CCDC171: variants seen among roughly 807,000 people sequenced by gnomAD.
CCDC171 encodes coiled-coil domain containing 171.
A neutral mutation model predicts 168.2 loss-of-function variants in CCDC171; 177 were observed. That is an observed-to-expected ratio of 1.05 (90% CI 0.93 to 1.19). CCDC171 has a LOEUF of 1.19. Ranked by LOEUF, CCDC171 falls within the 50% of genes most tolerant of loss-of-function variation. CCDC171 has a pLI of 0.00. For missense variants in CCDC171, 1,991 were observed against 1,539.0 expected (o/e 1.29, Z -4.91); for synonymous variants, 687 against 540.8 (o/e 1.27, Z -3.75).
At chr9:15,846,017 G>C (rs909131496) in intron 21 of CCDC171, among the ~76,000 whole-genome samples, 1 of 152,030 alleles carries the variant, frequency 6.6e-6, no homozygotes, top group Non-Finnish European at 1.5e-5. Flanking sequence ...CTGTGACTAA[G>C]AAAATATTTA....
chr9:15,610,483 T>TAAAAAAAAAAA (rs1351393897), intron 6 of CCDC171, among the ~76,000 whole-genome samples: 1 of 43,084 alleles, frequency 2.3e-5, no homozygotes, highest in Non-Finnish European at 4.5e-5. Flanking sequence ...AAAAAAAAAC[T>TAAAAAAAAAAA]GGGCGTGGTG....
intron 7 of CCDC171, among the ~76,000 whole-genome samples, chr9:15,630,411 G>A (rs2045578124): frequency 6.6e-6 from 1 of 152,040 alleles, no homozygotes; most frequent in African/African-American, 2.4e-5. Context: ...AACCAACAAA[G>A]ATCAAAAGAG....
At chr9:15,704,546 T>G (rs2052056743) in intron 11 of CCDC171, among the ~76,000 whole-genome samples, 1 of 152,334 alleles carries the variant, frequency 6.6e-6, no homozygotes, top group South Asian at 2.1e-4. Flanking sequence ...GGTAGAAATT[T>G]ATAGGGACAG....
At chr9:15,995,745 A>G (rs1300663795) in intron 3 of CCDC171, among the ~76,000 whole-genome samples, 3 of 152,216 alleles carry the variant, frequency 2.0e-5, no homozygotes, top group Non-Finnish European at 2.9e-5. Context: ...TAAAAACTTA[A>G]CACTGTGTGT....
chr9:15,563,950 G>A, intron 1 of CCDC171, 28 bp from the exon 2 acceptor site: 2 of 652,594 alleles, frequency 3.1e-6, no homozygotes, highest in Non-Finnish European at 5.4e-6. Context: ...GACTCAAACT[G>A]CTATTGTATC....
In CCDC171 at chr9:15,623,361, G is replaced by A. The variant is rs747560011; in HGVS notation, c.770G>A (p.Ser257Asn). 17 of 1,612,032 alleles carry A rather than the reference G, an allele frequency of 1.1e-5. No homozygotes were observed. Among genetic ancestry groups the A allele is most frequent in the East Asian group, 2.2e-5 (1 of 44,826 alleles). Residue 257 changes from serine to asparagine, a missense_variant, in exon 7 of 26, where the codon AGT becomes AAT. Physicochemically the swap from Ser to Asn is conservative, Grantham distance 46. Transcript: ENST00000380701. ...DCSDLLRRQT[S>N]ELEFSTQREE... Reference sequence around the variant, plus strand: ...TCTGACCTTTTACGGCGACAAACAAGTGAACTTGAATTTAGCACTCAACGA... The same window carrying A: ...TCTGACCTTTTACGGCGACAAACAAATGAACTTGAATTTAGCACTCAACGA...
intron 1 of CCDC171, among the ~76,000 whole-genome samples, chr9:15,556,977 A>C (rs13301927): frequency 1.3e-5 from 2 of 152,022 alleles, no homozygotes; most frequent in African/African-American, 4.8e-5. Context: ...AGTTTTCCCA[A>C]CACCATTTAT....
At chr9:15,773,260 C>G (rs1428378295) in intron 18 of CCDC171, among the ~76,000 whole-genome samples, 6 of 152,070 alleles carry the variant, frequency 3.9e-5, no homozygotes, top group African/African-American at 1.4e-4. Flanking sequence ...CATTATTATT[C>G]ACGCATATAT....
intron 6 of CCDC171, among the ~76,000 whole-genome samples, chr9:15,603,500 C>T (rs959526642): frequency 1.3e-5 from 2 of 152,018 alleles, no homozygotes; most frequent in Non-Finnish European, 1.5e-5. Context: ...TGAGAACATG[C>T]GGTATTTCGT....
chr9:15,555,638 AG>A (rs1430974174), intron 1 of CCDC171, among the ~76,000 whole-genome samples: 1 of 152,076 alleles, frequency 6.6e-6, no homozygotes, highest in Non-Finnish European at 1.5e-5. Context: ...CTGTCACTAG[AG>A]ATGTGAGAGA....
At chr9:15,968,384 G>C (rs1405581644) in intron 25 of CCDC171, among the ~76,000 whole-genome samples, 2 of 152,062 alleles carry the variant, frequency 1.3e-5, no homozygotes, top group African/African-American at 2.4e-5. Flanking sequence ...TTATTTAACT[G>C]TCCTTTACTC....
intron 15 of CCDC171, among the ~76,000 whole-genome samples, chr9:15,729,186 A>C (rs1465429130): frequency 6.6e-6 from 1 of 152,182 alleles, no homozygotes; most frequent in Non-Finnish European, 1.5e-5. Flanking sequence ...CCAGAGTTTG[A>C]ATGTGAAACA....
chr9:16,100,798 G>A, the CCDC171 span, among the ~76,000 whole-genome samples: 8 of 152,032 alleles, frequency 5.3e-5, no homozygotes, highest in Non-Finnish European at 7.4e-5. Flanking sequence ...CCTGTCAGGC[G>A]CCCCCCACCC....
At chr9:15,946,576 G>A (rs1044014642) in intron 25 of CCDC171, among the ~76,000 whole-genome samples, 1 of 151,960 alleles carries the variant, frequency 6.6e-6, no homozygotes, top group African/African-American at 2.4e-5. Flanking sequence ...AATCAATATC[G>A]TGAAAATGGC....
intron 6 of CCDC171, among the ~76,000 whole-genome samples, chr9:15,613,565 C>G (rs1331187289): frequency 1.3e-5 from 2 of 150,472 alleles, no homozygotes; most frequent in African/African-American, 4.9e-5. Flanking sequence ...GCTCTGTCGC[C>G]AGGCTGGAGT....
intron 20 of CCDC171, among the ~76,000 whole-genome samples, chr9:15,781,580 T>G (rs1328469229): frequency 6.6e-6 from 1 of 151,836 alleles, no homozygotes; most frequent in African/African-American, 2.4e-5. Flanking sequence ...CTCAGCTAAT[T>G]TTTTGTATTT....
chr9:15,912,057 T>A (rs749417536), intron 24 of CCDC171, among the ~76,000 whole-genome samples: 16 of 152,226 alleles, frequency 1.1e-4, no homozygotes, highest in Admixed American at 3.3e-4. Flanking sequence ...ATATGAAATT[T>A]AAAGTAGTGT....
Position 16,012,654 on chromosome 9 carries a change from T to C in CCDC171, n.369-7935T>C, listed in dbSNP as rs1832901087. ...ATGCTCTCCTTCCATGAATACAATT[T>C]TGTATCAGACTCTTGCAGAATACAA... On this transcript the variant is annotated intron_variant and non_coding_transcript_variant, in intron 3 of 9. Coordinates refer to the CCDC171 transcript ENST00000486641. Among the ~76,000 whole-genome samples the C allele has an allele frequency of 2.0e-5, 3 of 152,206 alleles. No individual in the cohort carries two copies. The South Asian group carries it at 6.2e-4, about 32-fold the overall frequency.
intron 16 of CCDC171, among the ~76,000 whole-genome samples, chr9:15,737,536 T>C (rs1241311213): frequency 6.6e-6 from 1 of 152,096 alleles, no homozygotes; most frequent in East Asian, 1.9e-4. Context: ...AGAGGTAATA[T>C]CTCTTAACAG....
Sources: gnomAD v4.1 joint callset for allele counts (sites outside exome capture counted in the v4.1 genomes callset) on GRCh38, gnomAD v4.1.1 for gene constraint, MANE v1.5 for transcripts, NCBI Gene and HGNC (gene_info 2026-07-23, HGNC 2026-07-21) for gene names.